Variants in VAV3 observed in about 807,000 individuals in gnomAD.
VAV3 encodes the protein guanine nucleotide exchange factor VAV3.
VAV3 carries 94 observed loss-of-function variants against 131.2 expected under a neutral mutation model. That is an observed-to-expected ratio of 0.72 (90% CI 0.61 to 0.85). The LOEUF is 0.85. VAV3 is among the 40% of genes least tolerant of loss of function. The pLI is 0.00. For synonymous variants in VAV3, 349 were observed against 342.0 expected, an observed-to-expected ratio of 1.02 and a Z score of -0.22; for missense variants, 939 against 1,002.7, an observed-to-expected ratio of 0.94 and a Z score of 0.86.
At chr1:107,664,955 T>A (rs894181413) in intron 19 of VAV3, among the ~76,000 whole-genome samples, 1 of 152,222 alleles carries the variant, frequency 6.6e-6, no homozygotes, top group Non-Finnish European at 1.5e-5. Flanking sequence ...TGTGGAAAAT[T>A]ACCAGATCTC....
intron 20 of VAV3, among the ~76,000 whole-genome samples, chr1:107,637,289 T>C (rs1250065871): frequency 6.6e-6 from 1 of 152,162 alleles, no homozygotes; most frequent in African/African-American, 2.4e-5. Flanking sequence ...AAGAAGCAAG[T>C]AACCTGAATA....
At chr1:107,735,147 C>A (rs1438935667) in intron 15 of VAV3, among the ~76,000 whole-genome samples, 4 of 152,198 alleles carry the variant, frequency 2.6e-5, no homozygotes, top group African/African-American at 9.7e-5. Flanking sequence ...TAAACATGTT[C>A]TTTGAAACCA....
intron 19 of VAV3, among the ~76,000 whole-genome samples, chr1:107,669,666 C>T (rs1300784078): frequency 6.6e-6 from 1 of 152,066 alleles, no homozygotes; most frequent in Non-Finnish European, 1.5e-5. Context: ...TGTTTTCCAG[C>T]ATGAGGTTTA....
intron 22 of VAV3, among the ~76,000 whole-genome samples, chr1:107,609,191 T>C (rs1215606920): frequency 6.6e-6 from 1 of 152,208 alleles, no homozygotes; most frequent in Non-Finnish European, 1.5e-5. Flanking sequence ...AAATACTCAG[T>C]ATATATTAGT....
intron 1 of VAV3, among the ~76,000 whole-genome samples, chr1:107,954,100 T>G (rs921643053): frequency 6.6e-6 from 1 of 152,206 alleles, no homozygotes; most frequent in African/African-American, 2.4e-5. Flanking sequence ...AACTTGTGAC[T>G]GGCTTTAACA....
intron 25 of VAV3, among the ~76,000 whole-genome samples, chr1:107,587,651 C>T (rs559266420): frequency 6.6e-6 from 1 of 152,272 alleles, no homozygotes; most frequent in African/African-American, 2.4e-5. Context: ...AGTGCAGTGG[C>T]ACCATCTTGG....
At chr1:107,864,402 A>C (rs1348307735) in intron 2 of VAV3, among the ~76,000 whole-genome samples, 1 of 152,172 alleles carries the variant, frequency 6.6e-6, no homozygotes, top group Non-Finnish European at 1.5e-5. Context: ...TGGGTGGATC[A>C]CTTGAGCTCA....
intron 15 of VAV3, among the ~76,000 whole-genome samples, chr1:107,733,991 A>G (rs1400019096): frequency 3.3e-5 from 5 of 152,256 alleles, no homozygotes; most frequent in Non-Finnish European, 7.3e-5. Flanking sequence ...AGGAAAGCCC[A>G]TCAGACTAAC....
At chr1:107,575,921 C>T (rs1570543760) in intron 25 of VAV3, among the ~76,000 whole-genome samples, 1 of 152,128 alleles carries the variant, frequency 6.6e-6, no homozygotes, top group African/African-American at 2.4e-5. Flanking sequence ...CATGCACAAA[C>T]CGAAGAACTG....
intron 2 of VAV3, among the ~76,000 whole-genome samples, chr1:107,796,802 A>ATATAT (rs200461998): frequency 4.3e-4 from 62 of 143,102 alleles, no homozygotes; most frequent in Non-Finnish European, 6.6e-4. Flanking sequence ...AAAAAAAAAA[A>ATATAT]AAATATATAT....
At chr1:107,590,184 C>T (rs1006573020) in intron 25 of VAV3, among the ~76,000 whole-genome samples, 3 of 152,148 alleles carry the variant, frequency 2.0e-5, no homozygotes, top group Non-Finnish European at 4.4e-5. Context: ...TGAAGAATTG[C>T]TACACTATTT....
rs115864369 is a variant in VAV3 at position 107,794,157 on chromosome 1, T to C, written c.322-14665A>G. Among the ~76,000 whole-genome samples, 530 of 152,338 alleles carry C rather than the reference T, an allele frequency of 3.5e-3. 2 individuals carry two copies. Among genetic ancestry groups the C allele is most frequent in the African/African-American group, 0.012 (515 of 41,586 alleles). Reference sequence around the variant, plus strand: ...AACTGTCAAGAATCTCAAAGATCCATGTGAGTAGGACATGCCACATCAAGT... The same window carrying C: ...AACTGTCAAGAATCTCAAAGATCCACGTGAGTAGGACATGCCACATCAAGT... On this transcript the variant is annotated intron_variant, in intron 2 of 26. Coordinates refer to ENST00000370056, the MANE Select transcript of VAV3 (RefSeq NM_006113.5).
intron 2 of VAV3, among the ~76,000 whole-genome samples, chr1:107,847,336 G>A (rs1003157760): frequency 6.6e-6 from 1 of 152,036 alleles, no homozygotes; most frequent in Admixed American, 6.6e-5. Flanking sequence ...ATCTAAAATC[G>A]CCACCCTAAT....
At chr1:107,728,642 T>G (rs190617195) in intron 15 of VAV3, among the ~76,000 whole-genome samples, 1 of 139,744 alleles carries the variant, frequency 7.2e-6, no homozygotes. Flanking sequence ...TATATGTATA[T>G]GTATATGTAT....
At chr1:107,839,879 A>C (rs1668619835) in intron 2 of VAV3, among the ~76,000 whole-genome samples, 1 of 152,180 alleles carries the variant, frequency 6.6e-6, no homozygotes, top group Admixed American at 6.5e-5. Flanking sequence ...AACGATAACA[A>C]GGGAATACAA....
chr1:107,690,301 G>A (rs1365058208), intron 17 of VAV3, among the ~76,000 whole-genome samples: 4 of 152,076 alleles, frequency 2.6e-5, no homozygotes, highest in Non-Finnish European at 5.9e-5. Flanking sequence ...GGGTTCTCTG[G>A]GTGACCCCCA....
intron 1 of VAV3, among the ~76,000 whole-genome samples, chr1:107,943,761 AAAACTCTGTGGC>A (rs1674113382): frequency 6.6e-6 from 1 of 152,230 alleles, no homozygotes; most frequent in Admixed American, 6.5e-5. Flanking sequence ...AAAACAAAAC[AAAACTCTGTGGC>A]TTTTACAGTT....
At chr1:107,891,866 A>T (rs922568428) in intron 1 of VAV3, among the ~76,000 whole-genome samples, 4 of 141,332 alleles carry the variant, frequency 2.8e-5, no homozygotes, top group South Asian at 2.3e-4. Context: ...AAAAAAAAAG[A>T]GCTCAGGGGT....
At chr1:107,736,117 T>A (rs1332641952) in intron 15 of VAV3, among the ~76,000 whole-genome samples, 1 of 152,196 alleles carries the variant, frequency 6.6e-6, no homozygotes, top group Non-Finnish European at 1.5e-5. Context: ...CACATGATTA[T>A]CTCAATAGAT....
Sources: gnomAD v4.1 joint callset for allele counts (sites outside exome capture counted in the v4.1 genomes callset) on GRCh38, gnomAD v4.1.1 for gene constraint, MANE v1.5 for transcripts, NCBI Gene and HGNC (gene_info 2026-07-23, HGNC 2026-07-21) for gene names.